DOCK5: variants seen among roughly 807,000 people sequenced by gnomAD.
DOCK5 encodes dedicator of cytokinesis protein 5.
A neutral mutation model predicts 251.8 loss-of-function variants in DOCK5; 142 were observed. The ratio of observed to expected loss-of-function variants is 0.56; its 90% confidence interval spans 0.49 to 0.65. DOCK5 has a LOEUF of 0.65. Among genes scored for constraint, DOCK5 ranks in the 30% least tolerant of loss-of-function variants. The pLI, the probability that DOCK5 is intolerant of heterozygous loss-of-function variation, is 0.00. For synonymous variants in DOCK5, 842 were observed against 835.5 expected, an observed-to-expected ratio of 1.01 and a Z score of -0.13; for missense variants, 2,111 against 2,312.3, an observed-to-expected ratio of 0.91 and a Z score of 1.79.
intron 22 of DOCK5, among the ~76,000 whole-genome samples, chr8:25,339,220 T>A: frequency 6.6e-6 from 1 of 152,162 alleles, no homozygotes; most frequent in East Asian, 1.9e-4. Flanking sequence ...TCTTATGAGC[T>A]CATTACCTGG....
rs553689577 is a variant in DOCK5, at chr8:25,230,764, T to G, written c.44-12910T>G. Among the ~76,000 whole-genome samples the G allele has an allele frequency of 2.6e-5, 4 of 152,190 alleles. No individual in the cohort carries two copies. The South Asian group carries it at 8.3e-4, about 32-fold the overall frequency. ...TACTTGGGAGGCTGAGGCAGGAGAA[T>G]CACTTGAACCTGGGAAGGGGAGGTT... On this transcript the variant is annotated intron_variant, in intron 1 of 51. Transcript: ENST00000276440.
intron 24 of DOCK5, among the ~76,000 whole-genome samples, chr8:25,342,186 C>T (rs1805970303): frequency 6.6e-6 from 1 of 152,086 alleles, no homozygotes; most frequent in Non-Finnish European, 1.5e-5. Flanking sequence ...CGTGGGTGTT[C>T]TTTGGCAATT....
At chr8:25,336,523 G>A (rs996283768) in intron 22 of DOCK5, 150 bp downstream of exon 22, 1 of 1,133,984 alleles carries the variant, frequency 8.8e-7, no homozygotes, top group Non-Finnish European at 1.2e-6. Flanking sequence ...ATGGATTTGG[G>A]CTGCGTGTCT....
At chr8:25,399,206 CTATA>C (rs1295846875) in intron 45 of DOCK5, among the ~76,000 whole-genome samples, 1 of 152,158 alleles carries the variant, frequency 6.6e-6, no homozygotes, top group Admixed American at 6.5e-5. Flanking sequence ...AAACAGTACC[CTATA>C]TAAGGCCTGT....
chr8:25,344,590 A>G (rs947730552), intron 25 of DOCK5, among the ~76,000 whole-genome samples: 2 of 152,218 alleles, frequency 1.3e-5, no homozygotes, highest in Admixed American at 1.3e-4. Flanking sequence ...AGATCGTATC[A>G]GTAGCCTCCT....
At chr8:25,388,298 G>T (rs572990784) in intron 40 of DOCK5, among the ~76,000 whole-genome samples, 1 of 152,094 alleles carries the variant, frequency 6.6e-6, no homozygotes, top group East Asian at 1.9e-4. Context: ...AAGACAACCT[G>T]GGCCCAAGTG....
chr8:25,410,074 C>T lies in DOCK5; in HGVS notation c.5405-25C>T, dbSNP rs769091072. The stretch of plus-strand genomic sequence containing the variant: ...TTCCTTGCTCAGTGCCTCTCTCTGC[C>T]GCCTGCACTTTCTGTCATTTCTAGG... On this transcript the variant is annotated intron_variant, in intron 50 of 51. Coordinates refer to ENST00000276440, the MANE Select transcript of DOCK5 (RefSeq NM_024940.8). 4.4e-6 allele frequency: 7 copies of T among 1,592,626 alleles called. No homozygotes were observed. In the Admixed American group the frequency reaches 8.5e-5, roughly 19 times the overall value.
In DOCK5 at chr8:25,299,029, TTGTC is replaced by T; in HGVS notation, c.695_698del (p.Val232AlafsTer27). On this transcript the variant is annotated frameshift_variant, in exon 8 of 52. Coordinates refer to ENST00000276440, the MANE Select transcript of DOCK5 (RefSeq NM_024940.8). LOFTEE classifies it high-confidence loss of function. ...GGCCTCTATGTGAACTTCAAGAACT[TTGTC>T]TGCAACATCGGGGAAGATGCAGAGT... 6.2e-7 allele frequency: 1 copy of T among 1,613,920 alleles called. No individual in the cohort carries two copies. The highest frequency in any genetic ancestry group is 8.5e-7 in the Non-Finnish European group (1 of 1,179,880).
At position 25,414,173 on chromosome 8, in the gene DOCK5, G is replaced by A. The variant is rs2939810; in HGVS notation, c.*2875G>A. On this transcript the variant is annotated 3_prime_UTR_variant, in exon 52 of 52. Coordinates refer to ENST00000276440, the MANE Select transcript of DOCK5 (RefSeq NM_024940.8). ...TCTTGCTTTAAGATTTTTTTTAAAG[G>A]ATTGTTTTATTCAACATATATCAAG... The A allele has an allele frequency of 0.96, 146,327 of 152,224 alleles. 70,544 individuals are homozygous for A. Among genetic ancestry groups the A allele is most frequent in the East Asian group, 1 (5,166 of 5,166 alleles). 9.4% of individuals were successfully genotyped at this position (152,224 alleles called of 1,614,324 possible).
At chr8:25,369,664 C>A (rs1442320859) in intron 34 of DOCK5, 23 bp downstream of exon 34, 3 of 1,581,056 alleles carry the variant, frequency 1.9e-6, no homozygotes, top group Non-Finnish European at 2.6e-6. Flanking sequence ...GGAACGAAAC[C>A]TGAAGTCAGT....
intron 38 of DOCK5, among the ~76,000 whole-genome samples, chr8:25,379,185 G>A (rs1801020533): frequency 6.6e-6 from 1 of 152,132 alleles, no homozygotes; most frequent in Non-Finnish European, 1.5e-5. Flanking sequence ...CAGAGAAGCG[G>A]TCTGACCAAA....
chr8:25,399,908 T>C lies in DOCK5; in HGVS notation c.4705-3T>C. On this transcript the variant is annotated splice_polypyrimidine_tract_variant and splice_region_variant and intron_variant, in intron 45 of 51. Transcript: ENST00000276440. ...ATTAAAACTTGCATATGCTTTTTTT[T>C]AGGCTTTTTTTACAGAAAAGTACTT... 6.2e-7 allele frequency: 1 copy of C among 1,610,688 alleles called. No individual in the cohort carries two copies. Among genetic ancestry groups the C allele is most frequent in the East Asian group, 2.2e-5 (1 of 44,812 alleles).
chr8:25,310,352 A>T, intron 12 of DOCK5, 55 bp from the exon 13 acceptor site: 1 of 1,528,160 alleles, frequency 6.5e-7, no homozygotes, highest in Non-Finnish European at 8.8e-7. Flanking sequence ...CCAGTTACGC[A>T]TGTGTTTTAT....
At chr8:25,382,646 C>G (rs1341516714) in intron 39 of DOCK5, 28 bp from the exon 40 acceptor site, 1 of 1,553,596 alleles carries the variant, frequency 6.4e-7, no homozygotes, top group Non-Finnish European at 8.8e-7. Flanking sequence ...TATAACCTCC[C>G]CTTGGAATGT....
At chr8:25,376,790 T>C (rs1441810087) in intron 37 of DOCK5, 1 of 152,248 alleles carries the variant, frequency 6.6e-6, no homozygotes, top group Non-Finnish European at 1.5e-5. Context: ...TTGGACTTAT[T>C]TTTGTTTGGT....
chr8:25,332,535 C>A, intron 19 of DOCK5, 68 bp from the exon 20 acceptor site: 1 of 1,377,108 alleles, frequency 7.3e-7, no homozygotes, highest in Non-Finnish European at 1.0e-6. Context: ...ACTAGTTGTA[C>A]CCAGATTTCT....
chr8:25,408,881 C>T lies in DOCK5; in HGVS notation c.5345C>T (p.Pro1782Leu), dbSNP rs1360136031. The T allele has an allele frequency of 1.2e-6, 2 of 1,613,990 alleles. No individual in the cohort carries two copies. The highest frequency in any genetic ancestry group is 1.3e-5 in the African/African-American group (1 of 75,036). ...CTATCACCATTTCACGGTTCTTCAC[C>T]TCCTCAGTCAACACCCTTGAGCCCA... ...NRLSPFHGSS[P>L]PQSTPLSPPP... Residue 1782 changes from proline to leucine, a missense_variant, in exon 50 of 52, where the codon CCT (proline) becomes CTT (leucine). Transcript: ENST00000276440.
chr8:25,346,341 G>C (rs1228829916), intron 26 of DOCK5, among the ~76,000 whole-genome samples: 1 of 152,010 alleles, frequency 6.6e-6, no homozygotes, highest in African/African-American at 2.4e-5. Flanking sequence ...AGAATCAAAG[G>C]CCTTTCTGTT....
chr8:25,193,075 G>A (rs1801626368), intron 1 of DOCK5, among the ~76,000 whole-genome samples: 1 of 152,154 alleles, frequency 6.6e-6, no homozygotes, highest in Admixed American at 6.5e-5. Context: ...TTTCTCTTCA[G>A]TATAGTGTCC....
Sources: gnomAD v4.1 joint callset for allele counts (sites outside exome capture counted in the v4.1 genomes callset) on GRCh38, gnomAD v4.1.1 for gene constraint, MANE v1.5 for transcripts, NCBI Gene and HGNC (gene_info 2026-07-23, HGNC 2026-07-21) for gene names.